Variants in RTL4 observed in about 807,000 individuals in gnomAD.
RTL4 encodes the protein retrotransposon Gag like 4.
In RTL4, 4 loss-of-function variants were observed where a neutral mutation model predicts 5.3. The observed-to-expected ratio is 0.75, with a 90% CI of 0.37 to 1.72. RTL4 has a LOEUF of 1.72. Among genes scored for constraint, RTL4 ranks in the 40% most tolerant of loss-of-function variants. The pLI is 0.04. For synonymous variants in RTL4, 98 were observed against 87.3 expected (o/e 1.12, Z -0.68); for missense variants, 260 against 227.1 (o/e 1.14, Z -0.93).
At chrX:112,361,291 T>A in the RTL4 span, among the ~76,000 whole-genome samples, 2 of 111,436 alleles carry the variant, frequency 1.8e-5, no homozygotes, top group Non-Finnish European at 3.8e-5. Flanking sequence ...ACAGTTTTAG[T>A]TGATAGCTTT....
At chrX:112,092,352 G>A in the RTL4 span, among the ~76,000 whole-genome samples, 2 of 111,516 alleles carry the variant, frequency 1.8e-5, no homozygotes, top group African/African-American at 3.3e-5. Flanking sequence ...ATTCTGCTTT[G>A]TAAAGGACCA....
At chrX:112,129,405 A>G in the RTL4 span, among the ~76,000 whole-genome samples, 2 of 112,464 alleles carry the variant, frequency 1.8e-5, no homozygotes, top group African/African-American at 6.5e-5. Flanking sequence ...ATGAATGTTC[A>G]TAGCAACATT....
the RTL4 span, among the ~76,000 whole-genome samples, chrX:112,083,477 G>A: frequency 8.9e-6 from 1 of 112,089 alleles, no homozygotes; most frequent in East Asian, 2.8e-4. Flanking sequence ...ACTGACCTGG[G>A]GTCCTATGGG....
At chrX:112,222,578 A>T in the RTL4 span, among the ~76,000 whole-genome samples, 213 of 109,734 alleles carry the variant, frequency 1.9e-3, 2 homozygotes, top group Admixed American at 0.017. Context: ...AAATTGAAAA[A>T]AAAAAATAGC....
At chrX:112,274,304 A>G in the RTL4 span, among the ~76,000 whole-genome samples, 64 of 111,656 alleles carry the variant, frequency 5.7e-4, no homozygotes, top group Non-Finnish European at 1.1e-3. Flanking sequence ...CTGGAGGGAA[A>G]TTTCAGGGGA....
At chrX:112,299,452 G>T in the RTL4 span, among the ~76,000 whole-genome samples, 1 of 112,212 alleles carries the variant, frequency 8.9e-6, no homozygotes, top group South Asian at 3.7e-4. Flanking sequence ...AAATAGTTAA[G>T]ACGACAAATT....
the RTL4 span, among the ~76,000 whole-genome samples, chrX:112,294,808 A>G: frequency 1.2e-3 from 132 of 111,605 alleles, no homozygotes; most frequent in African/African-American, 4.2e-3. Context: ...TAAGAAGTTC[A>G]TTTCATTAGC....
chrX:112,317,465 C>T, the RTL4 span, among the ~76,000 whole-genome samples: 518 of 111,890 alleles, frequency 4.6e-3, 4 homozygotes, highest in African/African-American at 0.016. Flanking sequence ...AGAATAAAAG[C>T]CATGTTTCCC....
At chrX:112,222,829 C>T in the RTL4 span, among the ~76,000 whole-genome samples, 1 of 112,551 alleles carries the variant, frequency 8.9e-6, no homozygotes, top group East Asian at 2.8e-4. Flanking sequence ...AAGAAGATCC[C>T]CTGCCCCTGG....
chrX:112,423,935 C>G, the RTL4 span, among the ~76,000 whole-genome samples: 1 of 111,314 alleles, frequency 9.0e-6, no homozygotes, highest in South Asian at 3.7e-4. Context: ...TTGGTCATAA[C>G]TTACATGGGT....
At chrX:112,211,164 T>C in the RTL4 span, among the ~76,000 whole-genome samples, 11 of 112,233 alleles carry the variant, frequency 9.8e-5, no homozygotes, top group African/African-American at 2.9e-4. Context: ...CAGTCATAAA[T>C]AGACAACTGA....
chrX:112,246,704 G>T, the RTL4 span, among the ~76,000 whole-genome samples: 1 of 111,541 alleles, frequency 9.0e-6, no homozygotes, highest in Non-Finnish European at 1.9e-5. Context: ...CCCTGCTTCA[G>T]CTCACCCTCT....
At chrX:112,255,826 G>T in the RTL4 span, among the ~76,000 whole-genome samples, 1 of 111,577 alleles carries the variant, frequency 9.0e-6, no homozygotes, top group African/African-American at 3.3e-5. Context: ...TCTGTCTCCT[G>T]GATACTCTCT....
the RTL4 span, among the ~76,000 whole-genome samples, chrX:112,258,441 C>A: frequency 9.0e-6 from 1 of 111,079 alleles, no homozygotes; most frequent in Non-Finnish European, 1.9e-5. Context: ...GCTGTGAATC[C>A]AAAACTACTC....
the RTL4 span, among the ~76,000 whole-genome samples, chrX:112,256,250 C>G: frequency 3.6e-5 from 4 of 111,824 alleles, no homozygotes; most frequent in African/African-American, 1.3e-4. Flanking sequence ...TAACAATGAA[C>G]AGTAAGCTTT....
At chrX:112,431,718 G>A in the RTL4 span, among the ~76,000 whole-genome samples, 1 of 110,244 alleles carries the variant, frequency 9.1e-6, no homozygotes, top group African/African-American at 3.3e-5. Flanking sequence ...AGGCCTGAGT[G>A]GTTCTTTTTT....
the RTL4 span, among the ~76,000 whole-genome samples, chrX:112,106,235 T>C: frequency 8.9e-6 from 1 of 112,132 alleles, no homozygotes; most frequent in Non-Finnish European, 1.9e-5. Context: ...TTGATAATGG[T>C]GAATAATCTT....
the RTL4 span, among the ~76,000 whole-genome samples, chrX:112,227,598 C>T: frequency 1.8e-5 from 2 of 111,877 alleles, no homozygotes; most frequent in Admixed American, 1.9e-4. Flanking sequence ...GAATGTTCTT[C>T]TTTAAGCTAA....
At chrX:112,330,643 T>C in the RTL4 span, among the ~76,000 whole-genome samples, 1 of 110,809 alleles carries the variant, frequency 9.0e-6, no homozygotes, top group Non-Finnish European at 1.9e-5. Context: ...CTTCACAGAA[T>C]TGGAAAAAAC....
Sources: gnomAD v4.1 joint callset for allele counts (sites outside exome capture counted in the v4.1 genomes callset) on GRCh38, gnomAD v4.1.1 for gene constraint, MANE v1.5 for transcripts, NCBI Gene and HGNC (gene_info 2026-07-23, HGNC 2026-07-21) for gene names.